Variants in CADM2 observed in about 807,000 individuals in gnomAD.
CADM2 encodes cell adhesion molecule 2.
Under a neutral mutation model 49.8 loss-of-function variants are expected in CADM2, and 12 were observed. The ratio of observed to expected loss-of-function variants is 0.24; its 90% confidence interval spans 0.15 to 0.39. CADM2 has a LOEUF of 0.39. Ranked by LOEUF, CADM2 falls within the 10% of genes least tolerant of loss-of-function variation. The pLI, the probability that CADM2 is intolerant of heterozygous loss-of-function variation, is 1.00. For synonymous variants in CADM2, 214 were observed against 175.4 expected (o/e 1.22, Z -1.74); for missense variants, 378 against 492.3 (o/e 0.77, Z 2.20).
At chr3:85,656,602 C>T (rs1037582219) in intron 1 of CADM2, among the ~76,000 whole-genome samples, 3 of 151,690 alleles carry the variant, frequency 2.0e-5, no homozygotes, top group East Asian at 1.9e-4. Context: ...GGTGACAGGG[C>T]GAGATTCCAT....
intron 1 of CADM2, among the ~76,000 whole-genome samples, chr3:85,666,091 C>T (rs1559580055): frequency 6.6e-6 from 1 of 151,916 alleles, no homozygotes; most frequent in African/African-American, 2.4e-5. Context: ...TTCCTATACA[C>T]CAACAACAGA....
intron 8 of CADM2, among the ~76,000 whole-genome samples, chr3:85,985,603 C>A (rs1282458610): frequency 6.6e-6 from 1 of 151,970 alleles, no homozygotes; most frequent in Non-Finnish European, 1.5e-5. Context: ...TAATTTTTAG[C>A]CCATATAATG....
chr3:85,952,919 A>G (rs1054612209), intron 7 of CADM2, among the ~76,000 whole-genome samples: 1 of 150,990 alleles, frequency 6.6e-6, no homozygotes, highest in African/African-American at 2.4e-5. Flanking sequence ...AATCAAAATA[A>G]GATAATTTCA....
Position 85,676,507 on chromosome 3 carries a change from T to C in CADM2, c.62-50015T>C, listed in dbSNP as rs571968118. On this transcript the variant is annotated intron_variant, in intron 1 of 9. Transcript: ENST00000383699. ...TTACCTGCTTATTAAAAGCATAGTT[T>C]TGATTGTTGTAACATAGGACAGACT... Among the ~76,000 whole-genome samples the C allele has an allele frequency of 4.1e-4, 63 of 152,322 alleles. 1 individual carries two copies. The highest frequency in any genetic ancestry group is 1.5e-3 in the African/African-American group (61 of 41,568).
intron 1 of CADM2, among the ~76,000 whole-genome samples, chr3:85,516,428 A>G (rs1307371970): frequency 6.6e-6 from 1 of 152,298 alleles, no homozygotes; most frequent in Middle Eastern, 3.4e-3. Flanking sequence ...TCTTATAGTA[A>G]GGAAACATAA....
At position 85,515,425 on chromosome 3, in the gene CADM2, C is replaced by CTTT. The variant is rs10662116; in HGVS notation, c.62-211088_62-211086dup. ...TTTTCTTTTGTTTGTTTGTTTGTTT[C>CTTT]TTTTTTTTTTTATTATTATATGGAG... On this transcript the variant is annotated intron_variant, in intron 1 of 9. Transcript: ENST00000383699. Among the ~76,000 whole-genome samples the CTTT allele has an allele frequency of 3.3e-3, 472 of 141,692 alleles. 3 individuals carry two copies. The highest frequency in any genetic ancestry group is 5.6e-3 in the African/African-American group (217 of 38,426). 93.0% of individuals were successfully genotyped at this position (141,692 alleles called of 152,430 possible). A position where few individuals can be genotyped will look rare whatever the true frequency, so the allele number is the denominator to read the frequency against.
At chr3:85,230,988 G>T (rs2042273647) in intron 1 of CADM2, among the ~76,000 whole-genome samples, 1 of 148,700 alleles carries the variant, frequency 6.7e-6, no homozygotes, top group Non-Finnish European at 1.5e-5. Context: ...TTGCATGTTT[G>T]TTTTTTTCTG....
intron 1 of CADM2, among the ~76,000 whole-genome samples, chr3:85,579,038 G>A (rs2062721808): frequency 6.6e-6 from 1 of 152,112 alleles, no homozygotes; most frequent in African/African-American, 2.4e-5. Flanking sequence ...ATTTCAAATT[G>A]TGTTTTATCT....
intron 1 of CADM2, among the ~76,000 whole-genome samples, chr3:85,071,080 A>G (rs1449703702): frequency 6.6e-6 from 1 of 151,856 alleles, no homozygotes; most frequent in Non-Finnish European, 1.5e-5. Flanking sequence ...AACATAAGGT[A>G]CGTTCTCCAT....
chr3:85,644,348 T>G (rs947398779), intron 1 of CADM2, among the ~76,000 whole-genome samples: 3 of 152,168 alleles, frequency 2.0e-5, no homozygotes, highest in Non-Finnish European at 4.4e-5. Context: ...CCTCATTATA[T>G]TCTTAATACC....
At chr3:85,610,158 C>G (rs1376828565) in intron 1 of CADM2, among the ~76,000 whole-genome samples, 3 of 151,854 alleles carry the variant, frequency 2.0e-5, no homozygotes, top group Non-Finnish European at 4.4e-5. Flanking sequence ...TTATAATTAC[C>G]TATTTGTCTG....
At chr3:85,571,750 C>A (rs1178041152) in intron 1 of CADM2, among the ~76,000 whole-genome samples, 1 of 151,942 alleles carries the variant, frequency 6.6e-6, no homozygotes, top group African/African-American at 2.4e-5. Context: ...GATTATAGCA[C>A]CTGTTAAGTT....
At chr3:85,315,556 T>C (rs1032322766) in intron 1 of CADM2, among the ~76,000 whole-genome samples, 2 of 152,172 alleles carry the variant, frequency 1.3e-5, no homozygotes, top group African/African-American at 4.8e-5. Flanking sequence ...TGTGCCTGAC[T>C]TTTTAAGACA....
chr3:85,785,205 T>G (rs2070910252), intron 2 of CADM2, among the ~76,000 whole-genome samples: 1 of 152,146 alleles, frequency 6.6e-6, no homozygotes, highest in African/African-American at 2.4e-5. Flanking sequence ...GTTGGTCAAT[T>G]TTATCTTTTC....
At chr3:85,857,350 T>A (rs960101666) in intron 3 of CADM2, among the ~76,000 whole-genome samples, 2 of 151,632 alleles carry the variant, frequency 1.3e-5, no homozygotes, top group African/African-American at 4.9e-5. Context: ...GGAGTCAAGA[T>A]ACTAGTCAAA....
intron 1 of CADM2, among the ~76,000 whole-genome samples, chr3:85,142,572 A>C (rs2039610363): frequency 6.6e-6 from 1 of 152,196 alleles, no homozygotes; most frequent in African/African-American, 2.4e-5. Context: ...ATTTTTATTG[A>C]AATAGTTTAA....
chr3:85,283,902 C>T (rs1325065272), intron 1 of CADM2, among the ~76,000 whole-genome samples: 1 of 152,110 alleles, frequency 6.6e-6, no homozygotes, highest in Non-Finnish European at 1.5e-5. Context: ...ATCTAAGCCT[C>T]TGAATGAGTT....
At chr3:85,569,754 T>G (rs1448339847) in intron 1 of CADM2, among the ~76,000 whole-genome samples, 1 of 145,176 alleles carries the variant, frequency 6.9e-6, no homozygotes, top group Admixed American at 6.9e-5. Flanking sequence ...GAAATTAGAG[T>G]CAATGATGTA....
intron 1 of CADM2, among the ~76,000 whole-genome samples, chr3:85,250,119 C>G (rs2042741561): frequency 6.6e-6 from 1 of 151,622 alleles, no homozygotes; most frequent in Admixed American, 6.6e-5. Flanking sequence ...ACCATATTTG[C>G]CTCTTTTTTT....
Sources: gnomAD v4.1 joint callset for allele counts (sites outside exome capture counted in the v4.1 genomes callset) on GRCh38, gnomAD v4.1.1 for gene constraint, MANE v1.5 for transcripts, NCBI Gene and HGNC (gene_info 2026-07-23, HGNC 2026-07-21) for gene names.